Variants in DACH1 observed in about 807,000 individuals in gnomAD.
DACH1 encodes dachshund family transcription factor 1.
In DACH1, 12 loss-of-function variants were observed where a neutral mutation model predicts 54.2. The observed-to-expected ratio is 0.22, with a 90% CI of 0.14 to 0.36. The LOEUF is 0.36. Ranked by LOEUF, DACH1 falls within the 10% of genes least tolerant of loss-of-function variation. The pLI, the probability that DACH1 is intolerant of heterozygous loss-of-function variation, is 1.00. For missense variants in DACH1, 805 were observed against 929.8 expected (o/e 0.87, Z 1.75); for synonymous variants, 386 against 366.2 (o/e 1.05, Z -0.62).
At chr13:71,651,999 T>TC (rs1878723431) in intron 2 of DACH1, among the ~76,000 whole-genome samples, 1 of 152,176 alleles carries the variant, frequency 6.6e-6, no homozygotes, top group Admixed American at 6.5e-5. Context: ...TAATGAACCC[T>TC]TCATGAGTGT....
At chr13:71,801,490 G>C (rs1311824695) in intron 1 of DACH1, among the ~76,000 whole-genome samples, 1 of 152,012 alleles carries the variant, frequency 6.6e-6, no homozygotes, top group Non-Finnish European at 1.5e-5. Context: ...TGTCAATCAA[G>C]CAGAAACTAA....
At chr13:71,776,649 G>A (rs968511593) in intron 1 of DACH1, among the ~76,000 whole-genome samples, 3 of 152,068 alleles carry the variant, frequency 2.0e-5, no homozygotes, top group Non-Finnish European at 2.9e-5. Flanking sequence ...AAAGTCATGT[G>A]AAATAATCTT....
chr13:71,495,512 A>C (rs1243479292), intron 6 of DACH1, among the ~76,000 whole-genome samples: 1 of 152,128 alleles, frequency 6.6e-6, no homozygotes, highest in African/African-American at 2.4e-5. Flanking sequence ...GTGCCTAAAA[A>C]ATTTTGAAAA....
At chr13:71,552,259 G>T (rs1883864668) in intron 6 of DACH1, among the ~76,000 whole-genome samples, 1 of 151,960 alleles carries the variant, frequency 6.6e-6, no homozygotes, top group African/African-American at 2.4e-5. Context: ...TTTACTCATT[G>T]ATTACATCAC....
At chr13:71,489,248 C>A in intron 6 of DACH1, 100 bp from the exon 7 acceptor site, 2 of 1,327,266 alleles carry the variant, frequency 1.5e-6, no homozygotes, top group South Asian at 1.5e-5. Context: ...ACATTTATTG[C>A]AAATTGGTTC....
intron 3 of DACH1, among the ~76,000 whole-genome samples, chr13:71,616,100 C>A (rs1481991614): frequency 6.6e-6 from 1 of 152,076 alleles, no homozygotes; most frequent in Non-Finnish European, 1.5e-5. Context: ...ACACCAAAAC[C>A]ACATGGCACC....
chr13:71,823,170 A>G (rs1888256118), intron 1 of DACH1, among the ~76,000 whole-genome samples: 1 of 152,126 alleles, frequency 6.6e-6, no homozygotes, highest in Admixed American at 6.5e-5. Context: ...AACAAAAGCA[A>G]CCCTTTCATT....
chr13:71,803,625 C>G (rs976745100), intron 1 of DACH1, among the ~76,000 whole-genome samples: 1 of 152,024 alleles, frequency 6.6e-6, no homozygotes, highest in South Asian at 2.1e-4. Flanking sequence ...CTTTCTCATT[C>G]GAAAGCAAAT....
intron 6 of DACH1, among the ~76,000 whole-genome samples, chr13:71,489,627 A>G (rs77958521): frequency 1.4e-3 from 219 of 152,246 alleles, no homozygotes; most frequent in African/African-American, 5.0e-3. Flanking sequence ...AGGAATTTAC[A>G]AAAGAATGTA....
At chr13:71,583,733 T>C (rs1054238758) in intron 3 of DACH1, among the ~76,000 whole-genome samples, 1 of 151,982 alleles carries the variant, frequency 6.6e-6, no homozygotes, top group Non-Finnish European at 1.5e-5. Flanking sequence ...CCCAGCTACT[T>C]GGGAGGCAGG....
chr13:71,746,344 T>C (rs774979897), intron 1 of DACH1, among the ~76,000 whole-genome samples: 4 of 152,330 alleles, frequency 2.6e-5, no homozygotes, highest in Middle Eastern at 3.4e-3. Flanking sequence ...CTTCCCTTTA[T>C]AGATGACAAA....
chr13:71,745,410 G>A (rs2137959089), intron 1 of DACH1, among the ~76,000 whole-genome samples: 1 of 152,288 alleles, frequency 6.6e-6, no homozygotes, highest in Non-Finnish European at 1.5e-5. Context: ...TCAAAGGGAA[G>A]AAAAGCAATA....
chr13:71,774,859 T>C (rs1885996853), intron 1 of DACH1, among the ~76,000 whole-genome samples: 1 of 152,184 alleles, frequency 6.6e-6, no homozygotes, highest in African/African-American at 2.4e-5. Flanking sequence ...ACTAAATTGA[T>C]GATTCATCAA....
intron 7 of DACH1, among the ~76,000 whole-genome samples, chr13:71,486,825 T>C (rs1878564629): frequency 9.2e-6 from 1 of 108,844 alleles, no homozygotes; most frequent in Non-Finnish European, 2.1e-5. Context: ...TCTATCTATC[T>C]ATCTATCTAT....
Position 71,696,100 on chromosome 13 carries a change from T to C in DACH1, c.849-14190A>G, listed in dbSNP as rs571388991. Among the ~76,000 whole-genome samples the C allele has an allele frequency of 5.3e-4, 81 of 152,230 alleles. 1 individual carries two copies. The South Asian group carries it at 0.016, about 30-fold the overall frequency. On this transcript the variant is annotated intron_variant, in intron 1 of 10. Transcript: ENST00000613252. ...GGGCGTAAGGGCTAAGGGATGCCAA[T>C]CTGGGCTATACTCATTGCCTGGGTG...
At chr13:71,503,616 C>A (rs1222476303) in intron 6 of DACH1, among the ~76,000 whole-genome samples, 1 of 152,190 alleles carries the variant, frequency 6.6e-6, no homozygotes, top group Non-Finnish European at 1.5e-5. Flanking sequence ...CTGCCCTGTG[C>A]AGCAAAAGAG....
At chr13:71,844,538 T>A (rs1352810736) in intron 1 of DACH1, among the ~76,000 whole-genome samples, 5 of 152,192 alleles carry the variant, frequency 3.3e-5, no homozygotes, top group African/African-American at 9.7e-5. Flanking sequence ...GAAATAATAC[T>A]TTTTTTGTTT....
At chr13:71,765,570 A>T (rs1172935113) in intron 1 of DACH1, among the ~76,000 whole-genome samples, 1 of 152,174 alleles carries the variant, frequency 6.6e-6, no homozygotes, top group African/African-American at 2.4e-5. Context: ...TCAAGATAAA[A>T]ATCTAAACAC....
chr13:71,587,860 A>C (rs1025815263), intron 3 of DACH1, among the ~76,000 whole-genome samples: 1 of 152,264 alleles, frequency 6.6e-6, no homozygotes, highest in South Asian at 2.1e-4. Flanking sequence ...TAAATTCAAA[A>C]ACATAATAAA....
Sources: gnomAD v4.1 joint callset for allele counts (sites outside exome capture counted in the v4.1 genomes callset) on GRCh38, gnomAD v4.1.1 for gene constraint, MANE v1.5 for transcripts, NCBI Gene and HGNC (gene_info 2026-07-23, HGNC 2026-07-21) for gene names.